TRIO: variants seen among roughly 807,000 people sequenced by gnomAD.
TRIO encodes the protein triple functional domain protein.
A neutral mutation model predicts 351.9 loss-of-function variants in TRIO; 58 were observed. The observed-to-expected ratio is 0.16, with a 90% CI of 0.13 to 0.21. TRIO has a LOEUF of 0.21. Among genes scored for constraint, TRIO ranks in the 10% least tolerant of loss-of-function variants. The probability of loss-of-function intolerance (pLI) is 1.00; values close to 1 mark genes in which losing one functional copy is unlikely to be tolerated. For synonymous variants in TRIO, 1,758 were observed against 1,595.7 expected (o/e 1.10, Z -2.42); for missense variants, 3,201 against 4,027.8 (o/e 0.79, Z 5.56).
chr5:14,336,124 C>T (rs1390564778), intron 10 of TRIO, among the ~76,000 whole-genome samples: 1 of 152,208 alleles, frequency 6.6e-6, no homozygotes, highest in Non-Finnish European at 1.5e-5. Context: ...TATCGTAAAG[C>T]ATTGTATCAT....
Position 14,510,066 on chromosome 5 carries a change from ATTAT to A in TRIO, c.*1647_*1650del, listed in dbSNP as rs1339756545. On this transcript the variant is annotated 3_prime_UTR_variant, in exon 57 of 57. Coordinates refer to ENST00000344204, the MANE Select transcript of TRIO (RefSeq NM_007118.4). ...TTTTTATTTGTGTATTGTTTCTTTT[ATTAT>A]TTCAGTTAAATTTTTACATTATTTT... The A allele has an allele frequency of 2.0e-5, 3 of 152,170 alleles. No individual in the cohort carries two copies. The highest frequency in any genetic ancestry group is 4.4e-5 in the Non-Finnish European group (3 of 68,034). The allele number at this position is 152,170 out of a possible 1,614,324, so 9.4% of individuals were successfully genotyped here.
At chr5:14,437,407 C>G (rs1305311543) in intron 34 of TRIO, among the ~76,000 whole-genome samples, 1 of 152,174 alleles carries the variant, frequency 6.6e-6, no homozygotes, top group African/African-American at 2.4e-5. Context: ...TCATTGGTTT[C>G]TGCGTATTTA....
intron 1 of TRIO, among the ~76,000 whole-genome samples, chr5:14,240,806 T>A (rs1446188620): frequency 3.3e-5 from 5 of 152,244 alleles, no homozygotes; most frequent in Non-Finnish European, 7.3e-5. Context: ...TTGGTTTATA[T>A]TTGAAAGGAT....
chr5:14,206,234 G>C (rs1243685138), intron 1 of TRIO, among the ~76,000 whole-genome samples: 2 of 151,960 alleles, frequency 1.3e-5, no homozygotes, highest in Non-Finnish European at 2.9e-5. Flanking sequence ...CTAATTTTTT[G>C]TATTTGTGGT....
chr5:14,281,832 C>T (rs1359891210), intron 3 of TRIO, among the ~76,000 whole-genome samples: 1 of 152,076 alleles, frequency 6.6e-6, no homozygotes, highest in Non-Finnish European at 1.5e-5. Context: ...AGATAGTAAC[C>T]TTAAGGAACA....
chr5:14,329,224 G>T (rs1740681547), intron 9 of TRIO, among the ~76,000 whole-genome samples: 1 of 152,164 alleles, frequency 6.6e-6, no homozygotes, highest in Admixed American at 6.5e-5. Context: ...TTGCCCCCTA[G>T]ACCACTGTCT....
intron 33 of TRIO, among the ~76,000 whole-genome samples, chr5:14,413,343 G>A (rs30609): frequency 0.48 from 72,302 of 152,158 alleles, 19,018 homozygotes; most frequent in African/African-American, 0.69. Flanking sequence ...CAGCTGTTCC[G>A]TCTTTCATCC....
chr5:14,154,970 C>T (rs987351939), intron 1 of TRIO, among the ~76,000 whole-genome samples: 48 of 152,138 alleles, frequency 3.2e-4, no homozygotes, highest in African/African-American at 1.2e-3. Flanking sequence ...TTTTGACCTG[C>T]TATTGTAGTA....
intron 34 of TRIO, among the ~76,000 whole-genome samples, chr5:14,445,093 A>G (rs1188636541): frequency 6.6e-6 from 1 of 152,140 alleles, no homozygotes; most frequent in East Asian, 1.9e-4. Flanking sequence ...TTTCATTCTG[A>G]AAAATTTCCT....
intron 1 of TRIO, among the ~76,000 whole-genome samples, chr5:14,204,637 A>G (rs1302112784): frequency 6.6e-6 from 1 of 152,242 alleles, no homozygotes; most frequent in African/African-American, 2.4e-5. Flanking sequence ...AGACTATTGT[A>G]TATTATCCTA....
chr5:14,342,332 T>C (rs1437642113), intron 11 of TRIO, among the ~76,000 whole-genome samples: 1 of 152,176 alleles, frequency 6.6e-6, no homozygotes, highest in African/African-American at 2.4e-5. Flanking sequence ...TTTCCTTCTT[T>C]CCCTTGCAGA....
intron 1 of TRIO, among the ~76,000 whole-genome samples, chr5:14,261,545 A>C (rs1795344988): frequency 6.6e-6 from 1 of 152,182 alleles, no homozygotes; most frequent in Non-Finnish European, 1.5e-5. Flanking sequence ...TGCTTCCATC[A>C]TGCTTGGTCT....
Position 14,487,596 on chromosome 5 carries a change from G to A in TRIO, c.6968G>A (p.Gly2323Asp). 1 of 1,160,592 alleles carries A rather than the reference G, an allele frequency of 8.6e-7. No individual in the cohort carries two copies. Among genetic ancestry groups the A allele is most frequent in the South Asian group, 4.1e-5 (1 of 24,304 alleles). 71.9% of individuals were successfully genotyped at this position (1,160,592 alleles called of 1,614,324 possible). A position where few individuals can be genotyped will look rare whatever the true frequency, so the allele number is the denominator to read the frequency against. Residue 2323 changes from glycine (G) to aspartate (D), a missense_variant, in exon 48 of 57, where the codon GGC (glycine) becomes GAC (aspartate). Gly to Asp is a moderately conservative substitution (Grantham distance 94). Coordinates refer to ENST00000344204, the MANE Select transcript of TRIO (RefSeq NM_007118.4). ...AGTGGCGGCAGCGGCCACAGTGGCG[G>A]CCCCAGCAGCTGCGGCGGCGCCCCC... ...APSGGSGHSG[G>D]PSSCGGAPST...
Position 14,488,070 on chromosome 5 carries a change from A to G in TRIO, c.7442A>G (p.Lys2481Arg). 1 of 1,609,892 alleles carries G rather than the reference A, an allele frequency of 6.2e-7. No individual in the cohort carries two copies. Among genetic ancestry groups the G allele is most frequent in the Non-Finnish European group, 8.5e-7 (1 of 1,178,998 alleles). The change falls in exon 48 of 57, where the codon AAG becomes AGG. Residue 2481 changes from lysine to arginine, a missense_variant. Around this residue, in one of 19 missense-constraint regions of TRIO, gnomAD observed 1,089 missense variants for 954.9 expected, o/e 1.14. Transcript: ENST00000344204. Reference sequence around the variant, plus strand: ...TTCCCCCCCAGCAGCCCCCTGCAGAAGGGGGGCTCCTTCTGGAGCTCCATC... The same window carrying G: ...TTCCCCCCCAGCAGCCCCCTGCAGAGGGGGGGCTCCTTCTGGAGCTCCATC... ...EPFPPSSPLQKGGSFWSSIPA... is the reference protein window; with the variant it reads ...EPFPPSSPLQRGGSFWSSIPA...
chr5:14,381,778 G>T (rs1292075531), intron 21 of TRIO, among the ~76,000 whole-genome samples: 2 of 152,150 alleles, frequency 1.3e-5, no homozygotes, highest in South Asian at 4.1e-4. Context: ...TTGTTCAGAG[G>T]TGTCTAAAAC....
chr5:14,301,370 T>A (rs920824092), intron 7 of TRIO, among the ~76,000 whole-genome samples: 1 of 152,268 alleles, frequency 6.6e-6, no homozygotes, highest in South Asian at 2.1e-4. Flanking sequence ...CGCACTCTCC[T>A]GCCTTTATCC....
chr5:14,405,958 G>T lies in TRIO; in HGVS notation c.4827G>T (p.Lys1609Asn). The T allele has an allele frequency of 1.2e-6, 2 of 1,608,278 alleles. No individual in the cohort carries two copies. The highest frequency in any genetic ancestry group is 1.7e-6 in the Non-Finnish European group (2 of 1,178,144). The change falls in exon 32 of 57, where the codon AAG (lysine) becomes AAT (asparagine). Residue 1609 changes from lysine (K) to asparagine (N), a missense_variant. Physicochemically the swap from Lys to Asn is moderately conservative, Grantham distance 94. Coordinates refer to ENST00000344204, the MANE Select transcript of TRIO (RefSeq NM_007118.4). ...TGAAGGAGCCCATTCACATCCCTAA[G>T]ACCGCTCCCGCCACAAGACAGAAGG... Reference protein sequence around the residue: ...GALKEPIHIPKTAPATRQKGR... With the variant: ...GALKEPIHIPNTAPATRQKGR...
intron 37 of TRIO, among the ~76,000 whole-genome samples, chr5:14,469,709 C>T (rs1391122032): frequency 1.3e-5 from 2 of 152,204 alleles, no homozygotes; most frequent in African/African-American, 4.8e-5. Flanking sequence ...GTGTGTGCAC[C>T]CTCTCGGCAG....
intron 34 of TRIO, among the ~76,000 whole-genome samples, chr5:14,429,708 A>G (rs1307937179): frequency 6.6e-6 from 1 of 152,270 alleles, no homozygotes; most frequent in African/African-American, 2.4e-5. Flanking sequence ...AAAACAAGAC[A>G]TGAAGCGGTA....
Sources: gnomAD v4.1 joint callset for allele counts (sites outside exome capture counted in the v4.1 genomes callset) on GRCh38, gnomAD v4.1.1 for gene constraint, gnomAD v4.1.1 regional missense constraint, MANE v1.5 for transcripts, NCBI Gene and HGNC (gene_info 2026-07-23, HGNC 2026-07-21) for gene names.